AP3B1: variants seen among roughly 807,000 people sequenced by gnomAD.
AP3B1 encodes the protein adaptor related protein complex 3 subunit beta 1, also known as AP-3 complex subunit beta-1.
AP3B1 carries 61 observed loss-of-function variants against 132.5 expected under a neutral mutation model. The ratio of observed to expected loss-of-function variants is 0.46; its 90% CI spans 0.37 to 0.57. The LOEUF (loss-of-function observed/expected upper bound fraction) is 0.57, where lower values mean the gene tolerates loss of function less well. AP3B1 is among the 20% of genes least tolerant of loss of function. AP3B1 has a pLI of 0.00. For synonymous variants in AP3B1, 388 were observed against 438.3 expected (o/e 0.89, Z 1.43); for missense variants, 1,120 against 1,289.4 (o/e 0.87, Z 2.01).
intron 24 of AP3B1, among the ~76,000 whole-genome samples, chr5:78,027,036 G>C (rs1413823606): frequency 6.6e-6 from 1 of 152,032 alleles, no homozygotes; most frequent in African/African-American, 2.4e-5. Context: ...AAGCTGCACT[G>C]CTTTCTCATT....
At chr5:78,119,851 T>C (rs1401811025) in intron 17 of AP3B1, among the ~76,000 whole-genome samples, 1 of 152,126 alleles carries the variant, frequency 6.6e-6, no homozygotes, top group Non-Finnish European at 1.5e-5. Context: ...GCCACAAAGA[T>C]ACTCCTTGAG....
intron 11 of AP3B1, among the ~76,000 whole-genome samples, chr5:78,169,635 C>T (rs999464250): frequency 2.6e-5 from 4 of 151,972 alleles, no homozygotes; most frequent in Admixed American, 6.6e-5. Flanking sequence ...ACTATGTTGC[C>T]GAAGCTGGTG....
At chr5:78,003,196 G>T in intron 26 of AP3B1, 141 bp from the exon 27 acceptor site, 2 of 962,580 alleles carry the variant, frequency 2.1e-6, no homozygotes, top group Non-Finnish European at 1.5e-6. Flanking sequence ...AAAACCCAAA[G>T]CCAAGCATTC....
intron 24 of AP3B1, 35 bp from the exon 25 acceptor site, chr5:78,020,824 CATAA>C (rs575858293): frequency 2.0e-4 from 294 of 1,478,650 alleles, no homozygotes; most frequent in Non-Finnish European, 2.7e-4. Context: ...CTAAATGCTT[CATAA>C]ATAAACATTC....
At chr5:78,251,152 C>T (rs1747615620) in intron 2 of AP3B1, among the ~76,000 whole-genome samples, 1 of 152,230 alleles carries the variant, frequency 6.6e-6, no homozygotes. Flanking sequence ...AGAAAAAACA[C>T]AGACCGTATC....
At chr5:78,082,425 A>G (rs1750054029) in intron 22 of AP3B1, among the ~76,000 whole-genome samples, 1 of 152,226 alleles carries the variant, frequency 6.6e-6, no homozygotes, top group African/African-American at 2.4e-5. Context: ...TTGCCATTGG[A>G]CTAGATTTCA....
At chr5:78,169,905 C>A (rs947688871) in intron 11 of AP3B1, among the ~76,000 whole-genome samples, 1 of 152,146 alleles carries the variant, frequency 6.6e-6, no homozygotes, top group Admixed American at 6.6e-5. Context: ...ATCCCTCCCA[C>A]AGCCCACAAA....
chr5:78,062,840 G>A (rs149023862), intron 22 of AP3B1, among the ~76,000 whole-genome samples: 83 of 152,274 alleles, frequency 5.5e-4, no homozygotes, highest in African/African-American at 1.9e-3. Flanking sequence ...GAATTGGAGA[G>A]GGAAGGTCAG....
Position 78,003,845 on chromosome 5 carries a change from C to T in AP3B1, c.3132-790G>A, listed in dbSNP as rs193232019. Among the ~76,000 whole-genome samples the T allele has an allele frequency of 5.3e-5, 8 of 152,256 alleles. 1 individual carries two copies. Among genetic ancestry groups the T allele is most frequent in the Admixed American group, 3.3e-4 (5 of 15,298 alleles). On this transcript the variant is annotated intron_variant, in intron 26 of 26. Coordinates refer to ENST00000255194, the MANE Select transcript of AP3B1 (RefSeq NM_003664.5). ...TAAGCACTGCAATTGACTGAAAAGCCGTTGCAGGCATAACGAACTTCTGTC... is the reference window on the plus strand; with the variant it reads ...TAAGCACTGCAATTGACTGAAAAGCTGTTGCAGGCATAACGAACTTCTGTC...
intron 26 of AP3B1, among the ~76,000 whole-genome samples, chr5:78,008,310 C>G (rs1214856922): frequency 6.6e-6 from 1 of 152,128 alleles, no homozygotes. Flanking sequence ...TTCATTTTTA[C>G]GTGAAACAGT....
intron 14 of AP3B1, among the ~76,000 whole-genome samples, chr5:78,144,829 T>TTTGTTGTTGTTGTTGTTGTTG (rs5868903): frequency 7.1e-6 from 1 of 140,646 alleles, no homozygotes; most frequent in African/African-American, 2.5e-5. Context: ...TATGGGTTGT[T>TTTGTTGTTGTTGTTGTTGTTG]TTGTTGTTGT....
intron 2 of AP3B1, among the ~76,000 whole-genome samples, chr5:78,247,012 G>T (rs372675999): frequency 2.0e-5 from 3 of 151,948 alleles, no homozygotes; most frequent in African/African-American, 7.2e-5. Flanking sequence ...TTGATATGTG[G>T]TTTTTCAATT....
chr5:78,293,230 A>G (rs1749610464), intron 1 of AP3B1, among the ~76,000 whole-genome samples: 1 of 152,208 alleles, frequency 6.6e-6, no homozygotes, highest in South Asian at 2.1e-4. Context: ...CACAAACCAT[A>G]AAAGTAAATT....
chr5:78,047,477 T>TA (rs1435270981), intron 22 of AP3B1, among the ~76,000 whole-genome samples: 1 of 152,242 alleles, frequency 6.6e-6, no homozygotes, highest in Non-Finnish European at 1.5e-5. Flanking sequence ...TTTTCATGTT[T>TA]ATTGGCCACA....
chr5:78,084,521 C>CAAAAAAAAAAAAAAAAAAA (rs568637894), intron 22 of AP3B1, among the ~76,000 whole-genome samples: 4 of 43,998 alleles, frequency 9.1e-5, no homozygotes, highest in African/African-American at 4.4e-4. Flanking sequence ...CAGACCCTGT[C>CAAAAAAAAAAAAAAAAAAA]AAAAAAAAAA....
intron 22 of AP3B1, chr5:78,044,073 G>T: frequency 3.2e-6 from 1 of 308,728 alleles, no homozygotes; most frequent in East Asian, 9.1e-5. Flanking sequence ...GACATGAGTT[G>T]GGCAATATCT....
chr5:78,153,947 T>C (rs1743019735), intron 14 of AP3B1, among the ~76,000 whole-genome samples: 1 of 152,180 alleles, frequency 6.6e-6, no homozygotes, highest in Non-Finnish European at 1.5e-5. Flanking sequence ...CAGTTCACGT[T>C]TTAGTCTTTC....
intron 3 of AP3B1, among the ~76,000 whole-genome samples, chr5:78,236,731 A>C (rs1246145772): frequency 6.6e-6 from 1 of 152,218 alleles, no homozygotes; most frequent in African/African-American, 2.4e-5. Flanking sequence ...ATTGCTACTA[A>C]GAGACTCTAT....
chr5:78,244,865 C>G (rs1047096513), intron 2 of AP3B1, among the ~76,000 whole-genome samples: 1 of 151,720 alleles, frequency 6.6e-6, no homozygotes, highest in South Asian at 2.1e-4. Flanking sequence ...TGTGGTGGTA[C>G]GTGCCTGTAA....
Sources: gnomAD v4.1 joint callset for allele counts (sites outside exome capture counted in the v4.1 genomes callset) on GRCh38, gnomAD v4.1.1 for gene constraint, MANE v1.5 for transcripts, NCBI Gene and HGNC (gene_info 2026-07-23, HGNC 2026-07-21) for gene names.